Variants in TOP1 observed in about 807,000 individuals in gnomAD.
TOP1 encodes DNA topoisomerase I, also known as DNA topoisomerase 1.
In TOP1, 10 loss-of-function variants were observed where a neutral mutation model predicts 111.1. That is an observed-to-expected ratio of 0.09 (90% CI 0.06 to 0.15). The LOEUF (loss-of-function observed/expected upper bound fraction) is 0.15, where lower values mean the gene tolerates loss of function less well. Ranked by LOEUF, TOP1 falls within the 10% of genes least tolerant of loss-of-function variation. TOP1 has a pLI of 1.00. For synonymous variants in TOP1, 271 were observed against 302.9 expected (o/e 0.89, Z 1.10); for missense variants, 474 against 926.7 (o/e 0.51, Z 6.34).
At chr20:41,064,346 A>C (rs1017024214) in intron 3 of TOP1, among the ~76,000 whole-genome samples, 2 of 152,100 alleles carry the variant, frequency 1.3e-5, no homozygotes, top group East Asian at 3.9e-4. Flanking sequence ...CATTCTTTTT[A>C]AGTGCACACG....
rs1284703796 is a variant in TOP1 at position 41,071,144 on chromosome 20, A to G, written c.156-5027A>G. On this transcript the variant is annotated intron_variant, in intron 3 of 20. Transcript: ENST00000361337. The surrounding 1 kb of genome is among the most constrained non-coding windows in gnomAD (Gnocchi z 4.3). ...TAGCGGTGGTCTTTTTTCCTAAAGAAACAGTGCTTCGCCAGAAGGGAGACA... is the reference window on the plus strand; with the variant it reads ...TAGCGGTGGTCTTTTTTCCTAAAGAGACAGTGCTTCGCCAGAAGGGAGACA... Among the ~76,000 whole-genome samples the G allele has an allele frequency of 2.0e-5, 3 of 152,088 alleles. No individual in the cohort carries two copies. The highest frequency in any genetic ancestry group is 4.4e-5 in the Non-Finnish European group (3 of 68,018).
intron 6 of TOP1, 24 bp from the exon 7 acceptor site, chr20:41,081,141 G>C: frequency 1.3e-6 from 2 of 1,579,888 alleles, no homozygotes; most frequent in Non-Finnish European, 1.7e-6. Flanking sequence ...TATGTTAACT[G>C]TGTATTCATG....
In TOP1 at chr20:41,122,314, T is replaced by A. The variant is rs930620067; in HGVS notation, c.2195+159T>A. Among the ~76,000 whole-genome samples, 1 of 152,236 alleles carries A rather than the reference T, an allele frequency of 6.6e-6. No individual in the cohort carries two copies. Among genetic ancestry groups the A allele is most frequent in the Non-Finnish European group, 1.5e-5 (1 of 68,040 alleles). Reference sequence around the variant, plus strand: ...GCTGTGTACAAGTTACTCTGGTTGCTGAACCTTGTCTGTAAATGCATTGCA... The same window carrying A: ...GCTGTGTACAAGTTACTCTGGTTGCAGAACCTTGTCTGTAAATGCATTGCA... On this transcript the variant is annotated intron_variant, in intron 20 of 20. Coordinates refer to ENST00000361337, the MANE Select transcript of TOP1 (RefSeq NM_003286.4). This position sits in a 1 kb window ranked among gnomAD's most constrained non-coding sequence, Gnocchi z 5.4.
rs552764126 is a variant in TOP1 at position 41,102,424 on chromosome 20, A to G, written c.1308+1071A>G. On this transcript the variant is annotated intron_variant, in intron 13 of 20. Transcript: ENST00000361337. This position sits in a 1 kb window ranked among gnomAD's most constrained non-coding sequence, Gnocchi z 4.0. ...CAGGAGTTCGAGACCAGCCTGGACAACATGGCGAAACCCTGTCTCTACTAA... is the reference window on the plus strand; with the variant it reads ...CAGGAGTTCGAGACCAGCCTGGACAGCATGGCGAAACCCTGTCTCTACTAA... Among the ~76,000 whole-genome samples the G allele has an allele frequency of 2.0e-5, 3 of 152,338 alleles. No individual in the cohort carries two copies. The East Asian group carries it at 5.8e-4, about 29-fold the overall frequency.
At position 41,080,838 on chromosome 20, in the gene TOP1, C is replaced by G. The variant is rs2033780368; in HGVS notation, c.432-327C>G. Among the ~76,000 whole-genome samples the G allele has an allele frequency of 6.6e-6, 1 of 151,990 alleles. No individual in the cohort carries two copies. Among genetic ancestry groups the G allele is most frequent in the African/African-American group, 2.4e-5 (1 of 41,388 alleles). ...GTGTGTTTGGTTCCCAAACTTTCAT[C>G]TTTTATTTTTATTTATTTTATTTTA... On this transcript the variant is annotated intron_variant, in intron 6 of 20. Transcript: ENST00000361337. The surrounding 1 kb of genome is among the most constrained non-coding windows in gnomAD (Gnocchi z 5.0).
intron 3 of TOP1, chr20:41,072,314 C>A (rs1160149308): frequency 2.1e-5 from 21 of 985,182 alleles, no homozygotes; most frequent in Non-Finnish European, 2.4e-5. Flanking sequence ...AACAGGCAGC[C>A]AGCAAATGAA....
intron 13 of TOP1, among the ~76,000 whole-genome samples, chr20:41,103,340 G>A (rs1400107878): frequency 6.6e-6 from 1 of 152,164 alleles, no homozygotes; most frequent in East Asian, 1.9e-4. Flanking sequence ...TTCTTAGAAT[G>A]TAACTTAGAT....
At chr20:41,073,346 G>T in intron 3 of TOP1, 1 of 980,974 alleles carries the variant, frequency 1.0e-6, no homozygotes, top group South Asian at 4.7e-5. Context: ...TCCTGAATTA[G>T]CCATTTATAG....
rs1178651014 is a variant in TOP1 at position 41,121,891 on chromosome 20, G to C, written c.2045+101G>C. The C allele has an allele frequency of 8.3e-6, 13 of 1,556,916 alleles. No homozygotes were observed. Among genetic ancestry groups the C allele is most frequent in the Non-Finnish European group, 7.9e-6 (9 of 1,140,436 alleles). On this transcript the variant is annotated intron_variant, in intron 19 of 20. Transcript: ENST00000361337. This position sits in a 1 kb window ranked among gnomAD's most constrained non-coding sequence, Gnocchi z 4.2. ...GGCTTTTCGATGGTTTCTGAGAAATGTCTTTTGGAAATCTCTATACTAGGG... is the reference window on the plus strand; with the variant it reads ...GGCTTTTCGATGGTTTCTGAGAAATCTCTTTTGGAAATCTCTATACTAGGG...
intron 2 of TOP1, among the ~76,000 whole-genome samples, chr20:41,053,055 A>T (rs2033425924): frequency 6.6e-6 from 1 of 151,990 alleles, no homozygotes; most frequent in African/African-American, 2.4e-5. Flanking sequence ...TAACTCTGGG[A>T]TTTTATTTTT....
intron 3 of TOP1, among the ~76,000 whole-genome samples, chr20:41,062,002 G>A (rs1256109582): frequency 1.3e-5 from 2 of 152,112 alleles, no homozygotes; most frequent in African/African-American, 4.8e-5. Context: ...AGAGGAGTTC[G>A]GCTCCCACAA....
chr20:41,031,456 G>C (rs1395007364), intron 2 of TOP1, among the ~76,000 whole-genome samples: 1 of 152,216 alleles, frequency 6.6e-6, no homozygotes, highest in Non-Finnish European at 1.5e-5. Context: ...ATGATTGTGA[G>C]CTGGCTAGGT....
Position 41,102,110 on chromosome 20 carries a change from T to C in TOP1, c.1308+757T>C, listed in dbSNP as rs781058430. On this transcript the variant is annotated intron_variant, in intron 13 of 20. Coordinates refer to ENST00000361337, the MANE Select transcript of TOP1 (RefSeq NM_003286.4). This position sits in a 1 kb window ranked among gnomAD's most constrained non-coding sequence, Gnocchi z 4.0. ...TCTATGTAGACTGTTAACTGTTTTA[T>C]GTGCAGGAGACCTGGGACTAAAGAC... Among the ~76,000 whole-genome samples, 7 of 152,240 alleles carry C rather than the reference T, an allele frequency of 4.6e-5. No homozygotes were observed. The highest frequency in any genetic ancestry group is 1.0e-4 in the Non-Finnish European group (7 of 68,038).
rs1290084578 is a variant in TOP1, at chr20:41,080,325, C to A, written c.431+145C>A. The A allele has an allele frequency of 3.6e-6, 2 of 555,352 alleles. No individual in the cohort carries two copies. The highest frequency in any genetic ancestry group is 3.7e-5 in the Admixed American group (1 of 27,110). 34.4% of individuals were successfully genotyped at this position (555,352 alleles called of 1,614,324 possible). A position where few individuals can be genotyped will look rare whatever the true frequency, so the allele number is the denominator to read the frequency against. ...GAATTTGTGATTAATGGACTGATTTCTCTGAACTATGAGAAGTAGAGTTTG... is the reference window on the plus strand; with the variant it reads ...GAATTTGTGATTAATGGACTGATTTATCTGAACTATGAGAAGTAGAGTTTG... On this transcript the variant is annotated intron_variant, in intron 6 of 20. Coordinates refer to ENST00000361337, the MANE Select transcript of TOP1 (RefSeq NM_003286.4). This position sits in a 1 kb window ranked among gnomAD's most constrained non-coding sequence, Gnocchi z 5.0.
chr20:41,118,896 C>T lies in TOP1; in HGVS notation c.1950+600C>T, dbSNP rs1304636074. ...CTTGTCCCTGAGCCTCTTTCCTCCTCCTAACTCCGCCTGGTACTGAGCTTT... is the reference window on the plus strand; with the variant it reads ...CTTGTCCCTGAGCCTCTTTCCTCCTTCTAACTCCGCCTGGTACTGAGCTTT... On this transcript the variant is annotated intron_variant, in intron 18 of 20. Coordinates refer to ENST00000361337, the MANE Select transcript of TOP1 (RefSeq NM_003286.4). The surrounding 1 kb of genome is among the most constrained non-coding windows in gnomAD (Gnocchi z 4.6). 6.6e-6 allele frequency among the ~76,000 whole-genome samples: 1 copy of T among 152,206 alleles called. No individual in the cohort carries two copies. Among genetic ancestry groups the T allele is most frequent in the African/African-American group, 2.4e-5 (1 of 41,446 alleles).
At position 41,101,415 on chromosome 20, in the gene TOP1, G is replaced by A; in HGVS notation, c.1308+62G>A. 6.5e-7 allele frequency: 1 copy of A among 1,533,790 alleles called. No homozygotes were observed. Among genetic ancestry groups the A allele is most frequent in the Non-Finnish European group, 8.9e-7 (1 of 1,124,542 alleles). On this transcript the variant is annotated intron_variant, in intron 13 of 20. Coordinates refer to ENST00000361337, the MANE Select transcript of TOP1 (RefSeq NM_003286.4). The surrounding 1 kb of genome is among the most constrained non-coding windows in gnomAD (Gnocchi z 4.1). ...GCTGATAACCTTTTTTTGTTGAAAT[G>A]TAACGTTCTCGTCCTCTAGAATCAC...
chr20:41,077,757 C>A, intron 5 of TOP1, 120 bp downstream of exon 5: 2 of 896,896 alleles, frequency 2.2e-6, no homozygotes, highest in African/African-American at 1.7e-5. Flanking sequence ...TTGATGGTTC[C>A]CAGAAGCTCA....
In TOP1 at chr20:41,109,018, T is replaced by C. The variant is rs1302167124; in HGVS notation, c.1309-3764T>C. The stretch of plus-strand genomic sequence containing the variant: ...AGTACAGCAAACTTTAGGATCAATG[T>C]TGACATCGTATTGCGTTTAGTCCTG... On this transcript the variant is annotated intron_variant, in intron 13 of 20. Transcript: ENST00000361337. This position sits in a 1 kb window ranked among gnomAD's most constrained non-coding sequence, Gnocchi z 4.1. Among the ~76,000 whole-genome samples the C allele has an allele frequency of 6.6e-6, 1 of 152,252 alleles. No individual in the cohort carries two copies. The highest frequency in any genetic ancestry group is 1.5e-5 in the Non-Finnish European group (1 of 68,038).
Position 41,089,020 on chromosome 20 carries a change from C to CTTTTTTTTTTTT in TOP1, c.615-3441_615-3430dup, listed in dbSNP as rs59200685. On this transcript the variant is annotated intron_variant, in intron 8 of 20. Coordinates refer to ENST00000361337, the MANE Select transcript of TOP1 (RefSeq NM_003286.4). ...TCCCCACTTCTCTGTTGCCCCAGTT[C>CTTTTTTTTTTTT]TTTTTTTTTTTTTTTTTTTTTTGAG... Among the ~76,000 whole-genome samples the CTTTTTTTTTTTT allele has an allele frequency of 3.3e-3, 255 of 77,888 alleles. 37 individuals carry two copies. The highest frequency in any genetic ancestry group is 6.5e-3 in the African/African-American group (103 of 15,816). The allele number at this position is 77,888 out of a possible 152,430, so 51.1% of individuals were successfully genotyped here.
Sources: gnomAD v4.1 joint callset for allele counts (sites outside exome capture counted in the v4.1 genomes callset) on GRCh38, gnomAD v4.1.1 for gene constraint, Gnocchi (gnomAD v3.1) non-coding constraint, MANE v1.5 for transcripts, NCBI Gene and HGNC (gene_info 2026-07-23, HGNC 2026-07-21) for gene names.